TAF8: variants seen among roughly 807,000 people sequenced by gnomAD.
TAF8 encodes the protein transcription initiation factor TFIID subunit 8.
TAF8 carries 47 observed loss-of-function variants against 36.5 expected under a neutral mutation model. The observed-to-expected ratio is 1.29, with a 90% CI of 1.02 to 1.64. The LOEUF (loss-of-function observed/expected upper bound fraction) is 1.64. Among genes scored for constraint, TAF8 ranks in the 40% most tolerant of loss-of-function variants. The probability of loss-of-function intolerance (pLI) is 0.00; values close to 1 mark genes in which losing one functional copy is unlikely to be tolerated. For synonymous variants in TAF8, 175 were observed against 159.5 expected (o/e 1.10, Z -0.73); for missense variants, 420 against 407.6 (o/e 1.03, Z -0.26).
At chr6:42,056,200 C>T (rs1357531014) in intron 4 of TAF8, 186 bp downstream of exon 4, 2 of 536,704 alleles carry the variant, frequency 3.7e-6, no homozygotes, top group East Asian at 6.6e-5. Flanking sequence ...AATTCAGTCA[C>T]CAAAAGGTAA....
In TAF8 at chr6:42,059,787, G is replaced by C. The variant is rs1765127517; in HGVS notation, c.489+2274G>C. 2.6e-5 allele frequency among the ~76,000 whole-genome samples: 4 copies of C among 152,206 alleles called. No individual in the cohort carries two copies. In the South Asian group the frequency reaches 8.3e-4, roughly 32 times the overall value. On this transcript the variant is annotated intron_variant, in intron 5 of 8. Transcript: ENST00000372977. ...GCTTGGAGGTTAGAAGCAAGATGGA[G>C]TCAGTTAAGTTAGATCTCTTTCACC...
intron 7 of TAF8, among the ~76,000 whole-genome samples, chr6:42,069,151 G>T (rs1031386041): frequency 4.6e-5 from 7 of 152,172 alleles, no homozygotes; most frequent in Non-Finnish European, 8.8e-5. Flanking sequence ...AACAGTAGGG[G>T]ATGAGGTCCG....
In TAF8 at chr6:42,051,094, T is replaced by C. The variant is rs889918162; in HGVS notation, c.46-263T>C. Reference sequence around the variant, plus strand: ...TCTTCAGCTATGTATTCTAATAATCTGCTAAAGTAGAAAGTAAAAGACCTG... The same window carrying C: ...TCTTCAGCTATGTATTCTAATAATCCGCTAAAGTAGAAAGTAAAAGACCTG... On this transcript the variant is annotated intron_variant, in intron 1 of 8. Transcript: ENST00000372977. The C allele has an allele frequency of 3.5e-6, 4 of 1,144,636 alleles. No homozygotes were observed. In the African/African-American group the frequency reaches 6.4e-5, roughly 18 times the overall value. 70.9% of individuals were successfully genotyped at this position (1,144,636 alleles called of 1,614,324 possible).
rs1765234986 is a variant in TAF8, at chr6:42,062,846, ATCTTTAAAACCC to A, written c.490-3462_490-3451del. On this transcript the variant is annotated intron_variant, in intron 5 of 8. Coordinates refer to ENST00000372977, the MANE Select transcript of TAF8 (RefSeq NM_138572.3). ...TGAGCCACCGTGCCTGGCCAAGACA[ATCTTTAAAACCC>A]TCTGAACTAGACAAAATTACATTCC... Among the ~76,000 whole-genome samples the A allele has an allele frequency of 2.0e-5, 3 of 152,058 alleles. No homozygotes were observed. In the East Asian group the frequency reaches 5.8e-4, roughly 29 times the overall value.
chr6:42,069,380 C>T (rs911470698), intron 7 of TAF8, among the ~76,000 whole-genome samples: 1 of 152,074 alleles, frequency 6.6e-6, no homozygotes, highest in Non-Finnish European at 1.5e-5. Flanking sequence ...TCACAGTAAA[C>T]TGAGAGATGG....
At chr6:42,076,772 G>C (rs1289204123) in intron 7 of TAF8, among the ~76,000 whole-genome samples, 2 of 152,076 alleles carry the variant, frequency 1.3e-5, no homozygotes, top group African/African-American at 4.8e-5. Context: ...CACCTGGCCG[G>C]GCATCCTCCC....
chr6:42,071,311 CTTTTT>C (rs70987566), intron 7 of TAF8: 349 of 121,570 alleles, frequency 2.9e-3, no homozygotes, highest in South Asian at 5.9e-3. Context: ...CCTGGACATA[CTTTTT>C]TTTTTTTTTT....
chr6:42,080,373 C>CTTTT lies in TAF8; in HGVS notation c.*2841_*2844dup. ...AGGCTATACTCTTTTTTTTTCTTTT[C>CTTTT]TTTTTTTTTTTTTTTTGAGACGGCA... On this transcript the variant is annotated 3_prime_UTR_variant, in exon 9 of 9. Coordinates refer to ENST00000372977, the MANE Select transcript of TAF8 (RefSeq NM_138572.3). 2 of 758,722 alleles carry CTTTT rather than the reference C, an allele frequency of 2.6e-6. No homozygotes were observed. Among genetic ancestry groups the CTTTT allele is most frequent in the Non-Finnish European group, 3.0e-6 (2 of 664,396 alleles). The allele number at this position is 758,722 out of a possible 1,614,324, so 47.0% of individuals were successfully genotyped here. A position where few individuals can be genotyped will look rare whatever the true frequency, so the allele number is the denominator to read the frequency against.
downstream of TAF8, chr6:42,087,049 G>A (rs749362746): frequency 2.9e-5 from 14 of 481,800 alleles, no homozygotes; most frequent in Non-Finnish European, 4.9e-5. Context: ...GAGAGCCTGA[G>A]TGCACCATGT....
At chr6:42,085,321 A>G (rs552321443), downstream of TAF8, among the ~76,000 whole-genome samples, 1 of 152,244 alleles carries the variant, frequency 6.6e-6, no homozygotes, top group Admixed American at 6.5e-5. Flanking sequence ...CCAGCAAACA[A>G]TGCTGCGCTG....
Position 42,079,313 on chromosome 6 carries a change from A to G in TAF8, c.*1768A>G. On this transcript the variant is annotated 3_prime_UTR_variant, in exon 9 of 9. Transcript: ENST00000372977. ...GAAGCAGGTCTGAGTCTGTCCAACCAATTTGTATCCTGTGGGGAGAACAAC... is the reference window on the plus strand; with the variant it reads ...GAAGCAGGTCTGAGTCTGTCCAACCGATTTGTATCCTGTGGGGAGAACAAC... 1.0e-6 allele frequency: 1 copy of G among 985,480 alleles called. No individual in the cohort carries two copies. The highest frequency in any genetic ancestry group is 4.7e-5 in the South Asian group (1 of 21,290). 61.0% of individuals were successfully genotyped at this position (985,480 alleles called of 1,614,324 possible).
chr6:42,051,279 T>C (rs1487485008), intron 1 of TAF8, 78 bp from the exon 2 acceptor site: 4 of 1,389,416 alleles, frequency 2.9e-6, no homozygotes, highest in Non-Finnish European at 3.9e-6. Flanking sequence ...TAAAATAACT[T>C]TGCTTGCCGT....
At position 42,077,575 on chromosome 6, in the gene TAF8, G is replaced by T. The variant is rs1249577655; in HGVS notation, c.*30G>T. ...AGAAGGAAACCTGGCTTGTACAGGG[G>T]CGCAGATTCCACCCTCCCGGGGAGT... On this transcript the variant is annotated 3_prime_UTR_variant, in exon 9 of 9. Transcript: ENST00000372977. The T allele has an allele frequency of 6.2e-6, 10 of 1,611,498 alleles. No homozygotes were observed. The highest frequency in any genetic ancestry group is 4.5e-5 in the East Asian group (2 of 44,864).
At chr6:42,055,300 C>T (rs951315535) in intron 2 of TAF8, among the ~76,000 whole-genome samples, 1 of 152,178 alleles carries the variant, frequency 6.6e-6, no homozygotes, top group Non-Finnish European at 1.5e-5. Flanking sequence ...GAATAATATT[C>T]CATTGTATGT....
chr6:42,050,562 A>T lies in TAF8; in HGVS notation c.21A>T (p.Thr7=), dbSNP rs1301908190. ...ACAAGATGGCCGACGCGGCGGCCAC[A>T]GCTGGGGCCGGTGGCTCCGGAACGG... MADAAA[T]AGAGGSGTRS... is the part of the protein sequence containing the mutation. The change falls in exon 1 of 9, where the codon ACA becomes ACT. Residue 7 remains threonine (T), a synonymous_variant. Coordinates refer to ENST00000372977, the MANE Select transcript of TAF8 (RefSeq NM_138572.3). 2 of 1,541,442 alleles carry T rather than the reference A, an allele frequency of 1.3e-6. No individual in the cohort carries two copies. The highest frequency in any genetic ancestry group is 4.0e-5 in the Admixed American group (2 of 50,402).
Position 42,077,055 on chromosome 6 carries a change from C to A in TAF8, c.781-45C>A. 3.2e-6 allele frequency: 5 copies of A among 1,581,440 alleles called. No homozygotes were observed. The Admixed American group carries it at 7.1e-5, about 22-fold the overall frequency. On this transcript the variant is annotated intron_variant, in intron 7 of 8. Coordinates refer to ENST00000372977, the MANE Select transcript of TAF8 (RefSeq NM_138572.3). ...TTCCAATTATAGGCATGATCTCTTTCCTTATGCTGTTGATGTTGTGCTTTA... is the reference window on the plus strand; with the variant it reads ...TTCCAATTATAGGCATGATCTCTTTACTTATGCTGTTGATGTTGTGCTTTA...
intron 7 of TAF8, 113 bp from the exon 8 acceptor site, chr6:42,076,987 C>A: frequency 2.3e-6 from 3 of 1,321,884 alleles, no homozygotes; most frequent in Non-Finnish European, 3.1e-6. Context: ...AAAGAAGGTG[C>A]TTCCCAGGTT....
At position 42,051,261 on chromosome 6, in the gene TAF8, T is replaced by C. The variant is rs984744486; in HGVS notation, c.46-96T>C. 7 of 1,374,810 alleles carry C rather than the reference T, an allele frequency of 5.1e-6. No individual in the cohort carries two copies. In the South Asian group the frequency reaches 1.0e-4, roughly 20 times the overall value. The allele number at this position is 1,374,810 out of a possible 1,614,324, so 85.2% of individuals were successfully genotyped here. A position where few individuals can be genotyped will look rare whatever the true frequency, so the allele number is the denominator to read the frequency against. On this transcript the variant is annotated intron_variant, in intron 1 of 8. Coordinates refer to ENST00000372977, the MANE Select transcript of TAF8 (RefSeq NM_138572.3). ...TTAAGCACTGATTTTTAAAATAAAA[T>C]TATTTAGTAAAATAACTTTGCTTGC... is the stretch of plus-strand genomic sequence containing the variant.
chr6:42,079,463 A>G lies in TAF8; in HGVS notation c.*1918A>G. ...ACTAAATCCAAGGAAGAAAAATGTA[A>G]CAACACGTGGAAGTGAACACTGGAT... On this transcript the variant is annotated 3_prime_UTR_variant, in exon 9 of 9. Transcript: ENST00000372977. 1 of 985,460 alleles carries G rather than the reference A, an allele frequency of 1.0e-6. No individual in the cohort carries two copies. The highest frequency in any genetic ancestry group is 1.2e-6 in the Non-Finnish European group (1 of 829,938). The allele number at this position is 985,460 out of a possible 1,614,324, so 61.0% of individuals were successfully genotyped here.
Sources: gnomAD v4.1 joint callset for allele counts (sites outside exome capture counted in the v4.1 genomes callset) on GRCh38, gnomAD v4.1.1 for gene constraint, MANE v1.5 for transcripts, NCBI Gene and HGNC (gene_info 2026-07-23, HGNC 2026-07-21) for gene names.